BPTF: variants seen among roughly 807,000 people sequenced by gnomAD.
The protein encoded by BPTF is bromodomain PHD finger transcription factor.
BPTF carries 18 observed loss-of-function variants against 292.5 expected under a neutral mutation model. That is an observed-to-expected ratio of 0.06 (90% CI 0.04 to 0.09). The LOEUF (loss-of-function observed/expected upper bound fraction) is 0.09. BPTF is among the 10% of genes least tolerant of loss of function. The pLI is 1.00. For synonymous variants in BPTF, 1,225 were observed against 1,251.9 expected (o/e 0.98, Z 0.45); for missense variants, 2,726 against 3,498.7 (o/e 0.78, Z 5.57).
chr17:67,940,391 T>A, intron 18 of BPTF, 48 bp from the exon 19 acceptor site: 1 of 1,528,834 alleles, frequency 6.5e-7, no homozygotes, highest in Non-Finnish European at 9.0e-7. Flanking sequence ...CAATTCAAAA[T>A]AATGCCAAGG....
intron 4 of BPTF, among the ~76,000 whole-genome samples, chr17:67,885,497 G>A (rs1311134572): frequency 1.3e-5 from 2 of 152,188 alleles, no homozygotes; most frequent in African/African-American, 4.8e-5. Context: ...GGCTGAGGCG[G>A]GAGAATCTCT....
chr17:67,838,889 T>A (rs1455755232), intron 1 of BPTF, among the ~76,000 whole-genome samples: 7 of 152,268 alleles, frequency 4.6e-5, no homozygotes, highest in African/African-American at 1.7e-4. Flanking sequence ...ATACCTGCTC[T>A]GCTGGGGCTT....
At position 67,918,905 on chromosome 17, in the gene BPTF, G is replaced by A. The variant is rs896276746; in HGVS notation, c.5428+67G>A. 2.4e-5 allele frequency: 37 copies of A among 1,530,976 alleles called. No homozygotes were observed. In the African/African-American group the frequency reaches 3.4e-4, roughly 14 times the overall value. 94.8% of individuals were successfully genotyped at this position (1,530,976 alleles called of 1,614,324 possible). A position where few individuals can be genotyped will look rare whatever the true frequency, so the allele number is the denominator to read the frequency against. On this transcript the variant is annotated intron_variant, in intron 12 of 27. Transcript: ENST00000306378. Reference sequence around the variant, plus strand: ...CTAAAATCACAGGCCAGGCGTGGGCGCTCATGCCTGTAATCCCAGCACTTT... The same window carrying A: ...CTAAAATCACAGGCCAGGCGTGGGCACTCATGCCTGTAATCCCAGCACTTT...
chr17:67,873,458 C>CAAAAAA (rs996819236), intron 3 of BPTF, among the ~76,000 whole-genome samples: 2 of 71,128 alleles, frequency 2.8e-5, no homozygotes. Context: ...AACTCCATCT[C>CAAAAAA]AAAAAAAAAA....
At chr17:67,900,136 G>A (rs1303444370) in intron 7 of BPTF, among the ~76,000 whole-genome samples, 1 of 151,794 alleles carries the variant, frequency 6.6e-6, no homozygotes, top group Non-Finnish European at 1.5e-5. Flanking sequence ...ACAGAGTCTT[G>A]CTGTGTCGCC....
chr17:67,840,933 T>C (rs2057505662), intron 1 of BPTF, among the ~76,000 whole-genome samples: 1 of 152,226 alleles, frequency 6.6e-6, no homozygotes, highest in Non-Finnish European at 1.5e-5. Flanking sequence ...GGCTGTGTGA[T>C]GTACATATAT....
intron 9 of BPTF, among the ~76,000 whole-genome samples, chr17:67,905,281 G>A (rs934894072): frequency 2.6e-5 from 4 of 151,928 alleles, no homozygotes; most frequent in East Asian, 1.9e-4. Context: ...GCTGGTACAC[G>A]CCTGTGATCC....
intron 15 of BPTF, among the ~76,000 whole-genome samples, chr17:67,926,310 A>G (rs2063885307): frequency 7.8e-6 from 1 of 128,564 alleles, no homozygotes; most frequent in South Asian, 2.4e-4. Flanking sequence ...TGGCCCTAAT[A>G]TACTACTTTT....
chr17:67,944,637 G>T (rs1029594394), intron 20 of BPTF: 7 of 493,348 alleles, frequency 1.4e-5, no homozygotes, highest in Non-Finnish European at 1.8e-5. Context: ...TGGTAACTAT[G>T]CCCACACTTA....
intron 17 of BPTF, among the ~76,000 whole-genome samples, chr17:67,930,834 A>G (rs1317746621): frequency 6.6e-6 from 1 of 152,024 alleles, no homozygotes; most frequent in East Asian, 1.9e-4. Flanking sequence ...AGTCCCAGCT[A>G]TTCCCAGCTG....
intron 24 of BPTF, among the ~76,000 whole-genome samples, chr17:67,961,036 C>T (rs2067434793): frequency 6.6e-6 from 1 of 152,042 alleles, no homozygotes; most frequent in South Asian, 2.1e-4. Flanking sequence ...TACAAGTGTG[C>T]CTCACTTTAA....
chr17:67,883,462 G>C (rs62084252), intron 4 of BPTF, among the ~76,000 whole-genome samples: 50,657 of 151,708 alleles, frequency 0.33, 10,548 homozygotes, highest in East Asian at 0.66. Flanking sequence ...ATTATAAATT[G>C]AAAACTATGT....
chr17:67,944,482 C>G, intron 20 of BPTF, 110 bp downstream of exon 20: 1 of 1,243,982 alleles, frequency 8.0e-7, no homozygotes, highest in Non-Finnish European at 1.1e-6. Flanking sequence ...ATGCCTCAAG[C>G]CAGTGACCTC....
At chr17:67,877,036 C>G (rs1259639657) in intron 4 of BPTF, among the ~76,000 whole-genome samples, 1 of 152,048 alleles carries the variant, frequency 6.6e-6, no homozygotes, top group Non-Finnish European at 1.5e-5. Flanking sequence ...GAGTAAAAAA[C>G]AAAACAATGA....
At chr17:67,960,020 A>C in intron 24 of BPTF, 145 bp downstream of exon 24, 2 of 653,238 alleles carry the variant, frequency 3.1e-6, no homozygotes, top group South Asian at 5.3e-5. Flanking sequence ...CTTGCATGTG[A>C]TATTCTTACC....
intron 1 of BPTF, among the ~76,000 whole-genome samples, chr17:67,827,050 A>T (rs1201532457): frequency 1.3e-5 from 2 of 152,238 alleles, no homozygotes; most frequent in African/African-American, 2.4e-5. Flanking sequence ...AAATTTGGTT[A>T]TTCATCCGAT....
At chr17:67,881,952 C>T (rs1253777142) in intron 4 of BPTF, among the ~76,000 whole-genome samples, 9 of 148,638 alleles carry the variant, frequency 6.1e-5, no homozygotes, top group Non-Finnish European at 1.0e-4. Flanking sequence ...CTGCAACCTC[C>T]GCCTCCTGAG....
intron 1 of BPTF, among the ~76,000 whole-genome samples, chr17:67,835,275 C>G (rs1372695292): frequency 6.6e-6 from 1 of 152,152 alleles, no homozygotes; most frequent in Admixed American, 6.5e-5. Context: ...GTTATATGTT[C>G]ATTTCAAGTG....
chr17:67,979,169 C>CAAAAAAAAAAAAAAAA lies in BPTF; in HGVS notation c.8727-3077_8727-3062dup, dbSNP rs11376410. On this transcript the variant is annotated intron_variant, in intron 27 of 27. Transcript: ENST00000306378. ...TGGAAGACACAACAAGACCCTGTCT[C>CAAAAAAAAAAAAAAAA]AAAAAAAAAAAAAAAAAAAAAGGCC... Among the ~76,000 whole-genome samples, 203 of 72,552 alleles carry CAAAAAAAAAAAAAAAA rather than the reference C, an allele frequency of 2.8e-3. 13 individuals are homozygous for CAAAAAAAAAAAAAAAA. The highest frequency in any genetic ancestry group is 0.016 in the African/African-American group (198 of 12,490). 47.6% of individuals were successfully genotyped at this position (72,552 alleles called of 152,430 possible).
Sources: allele counts gnomAD v4.1 joint callset (sites outside exome capture counted in the v4.1 genomes callset), GRCh38; gene constraint gnomAD v4.1.1; transcripts MANE v1.5; gene names NCBI Gene and HGNC (gene_info 2026-07-23, HGNC 2026-07-21).